Variants in SEPTIN12 observed in about 807,000 individuals in gnomAD.
SEPTIN12 encodes the protein septin 12, also known as septin-12.
Under a neutral mutation model 37.7 loss-of-function variants are expected in SEPTIN12, and 42 were observed. The ratio of observed to expected loss-of-function variants is 1.11; its 90% CI spans 0.87 to 1.44. The LOEUF (loss-of-function observed/expected upper bound fraction) is 1.44, where lower values mean the gene tolerates loss of function less well. Ranked by LOEUF, SEPTIN12 falls within the 40% of genes most tolerant of loss-of-function variation. SEPTIN12 has a pLI of 0.00. For synonymous variants in SEPTIN12, 254 were observed against 196.7 expected, an observed-to-expected ratio of 1.29 and a Z score of -2.44; for missense variants, 613 against 479.2, an observed-to-expected ratio of 1.28 and a Z score of -2.61.
chr16:4,777,853 G>A lies in SEPTIN12; in HGVS notation c.1021C>T (p.Pro341Ser), dbSNP rs763553999. Residue 341 changes from proline (P) to serine (S), a missense_variant, in exon 10 of 10, where the codon CCC (proline) becomes TCC (serine). By Grantham distance (74) the Pro-to-Ser change is moderately conservative. Coordinates refer to ENST00000268231, the MANE Select transcript of SEPTIN12 (RefSeq NM_144605.5). ...CCCCTGCAGACCTTGAAGGTCCGGG[G>A]GGTGGTCAGCTGTCCTGGGGAGGCC... Reference protein sequence around the residue: ...APASPGQLTTPRTFKVCRGAH... With the variant: ...APASPGQLTTSRTFKVCRGAH... The A allele has an allele frequency of 6.3e-7, 1 of 1,596,664 alleles. No individual in the cohort carries two copies. Among genetic ancestry groups the A allele is most frequent in the Non-Finnish European group, 8.5e-7 (1 of 1,172,564 alleles).
Position 4,785,892 on chromosome 16 carries a change from T to A in SEPTIN12, c.293-4A>T. 1 of 1,428,604 alleles carries A rather than the reference T, an allele frequency of 7.0e-7. No individual in the cohort carries two copies. The highest frequency in any genetic ancestry group is 9.3e-7 in the Non-Finnish European group (1 of 1,070,492). The allele number at this position is 1,428,604 out of a possible 1,614,324, so 88.5% of individuals were successfully genotyped here. On this transcript the variant is annotated splice_polypyrimidine_tract_variant and splice_region_variant and intron_variant, in intron 3 of 9. Transcript: ENST00000268231. ...TTCACACCCTTCTCCTCTATGACTG[T>A]GGAGGGAGAGCAGAGTCGGGAGAGA...
At chr16:4,785,419 G>T (rs2082426019) in intron 4 of SEPTIN12, among the ~76,000 whole-genome samples, 1 of 151,516 alleles carries the variant, frequency 6.6e-6, no homozygotes, top group South Asian at 2.1e-4. Context: ...TTTCCCAAAG[G>T]TTGAAGGGGG....
intron 2 of SEPTIN12, among the ~76,000 whole-genome samples, chr16:4,786,545 C>T (rs9937281): frequency 0.043 from 6,473 of 151,490 alleles, 460 homozygotes; most frequent in African/African-American, 0.15. Context: ...TTAGTAGAGA[C>T]GGGGTTTCAC....
chr16:4,785,857 C>T lies in SEPTIN12; in HGVS notation c.324G>A (p.Leu108=), dbSNP rs954759282. Residue 108 remains leucine, a synonymous_variant, in exon 4 of 10, where the codon CTG becomes CTA. Coordinates refer to ENST00000268231, the MANE Select transcript of SEPTIN12 (RefSeq NM_144605.5). ...VIEEKGVKLK[L]TVTDTPGFGD... ...CGAAGCCGGGCGTGTCCGTCACCGT[C>T]AGCTTCAGCTTCACACCCTTCTCCT... The T allele has an allele frequency of 5.0e-6, 8 of 1,612,702 alleles. No individual in the cohort carries two copies. Among genetic ancestry groups the T allele is most frequent in the Non-Finnish European group, 6.8e-6 (8 of 1,179,852 alleles).
At chr16:4,790,196 G>A (rs899289088), upstream of SEPTIN12, 4 of 152,168 alleles carry the variant, frequency 2.6e-5, no homozygotes, top group Non-Finnish European at 4.4e-5. Flanking sequence ...CACTCAGGCT[G>A]GCAAGTGTTT....
chr16:4,785,204 T>C (rs1255408002), intron 4 of SEPTIN12, among the ~76,000 whole-genome samples: 1 of 151,666 alleles, frequency 6.6e-6, no homozygotes, highest in Non-Finnish European at 1.5e-5. Context: ...TGAGCAGAGA[T>C]TGTGCCACTG....
intron 4 of SEPTIN12, chr16:4,784,297 G>A: frequency 1.8e-6 from 1 of 552,700 alleles, no homozygotes; most frequent in Admixed American, 3.1e-5. Context: ...GGAGACAATA[G>A]TAGCACCTAC....
chr16:4,787,872 C>T (rs2082484773), intron 1 of SEPTIN12: 1 of 542,880 alleles, frequency 1.8e-6, no homozygotes, highest in Non-Finnish European at 3.3e-6. Context: ...GCCTCAACAC[C>T]CATCCAGAGA....
At chr16:4,791,336 A>T (rs180752233), upstream of SEPTIN12, among the ~76,000 whole-genome samples, 1 of 152,232 alleles carries the variant, frequency 6.6e-6, no homozygotes, top group Non-Finnish European at 1.5e-5. Flanking sequence ...ATGGTGGAAG[A>T]GGACAAAAGC....
At position 4,787,572 on chromosome 16, in the gene SEPTIN12, T is replaced by A; in HGVS notation, c.74A>T (p.Glu25Val). The stretch of plus-strand genomic sequence containing the variant: ...CTCAATGCCCACAGGACCAAGCATC[T>A]CGCAGGGTGGGGTGCTGGGGCTGGA... ...QPSSPSTPPC[E>V]MLGPVGIEAV... Residue 25 changes from glutamate (E) to valine (V), a missense_variant, in exon 2 of 10, where the codon GAG becomes GTG. Transcript: ENST00000268231. 1 of 1,610,186 alleles carries A rather than the reference T, an allele frequency of 6.2e-7. No individual in the cohort carries two copies. Among genetic ancestry groups the A allele is most frequent in the Non-Finnish European group, 8.5e-7 (1 of 1,179,670 alleles).
chr16:4,782,949 AGGCTGGAGTGCAAT>A (rs2082388546), intron 7 of SEPTIN12, among the ~76,000 whole-genome samples: 1 of 149,572 alleles, frequency 6.7e-6, no homozygotes, highest in African/African-American at 2.5e-5. Context: ...CTTCTTGCCC[AGGCTGGAGTGCAAT>A]GGCGCCATCT....
intron 8 of SEPTIN12, among the ~76,000 whole-genome samples, chr16:4,779,486 C>A (rs934635920): frequency 2.0e-5 from 3 of 152,200 alleles, no homozygotes; most frequent in African/African-American, 7.2e-5. Context: ...ACTGTGATGC[C>A]CACTTTACTG....
upstream of SEPTIN12, among the ~76,000 whole-genome samples, chr16:4,789,168 C>A (rs1431052558): frequency 6.6e-6 from 1 of 151,876 alleles, no homozygotes; most frequent in African/African-American, 2.4e-5. Context: ...CCGGTGTGCA[C>A]CACCACGCTA....
At chr16:4,786,843 T>C (rs1402514508) in intron 2 of SEPTIN12, among the ~76,000 whole-genome samples, 1 of 151,894 alleles carries the variant, frequency 6.6e-6, no homozygotes, top group Non-Finnish European at 1.5e-5. Flanking sequence ...AGATGGGGTC[T>C]TGCTGTGTTG....
chr16:4,781,331 C>CG (rs940818030), intron 7 of SEPTIN12, among the ~76,000 whole-genome samples: 10 of 151,662 alleles, frequency 6.6e-5, no homozygotes, highest in Non-Finnish European at 2.9e-5. Context: ...TTGTACGGTA[C>CG]GGGGGTTTTT....
chr16:4,783,606 T>TCTGCCCC (rs1255010762), intron 6 of SEPTIN12, 43 bp downstream of exon 6: 1 of 1,611,164 alleles, frequency 6.2e-7, no homozygotes, highest in Non-Finnish European at 8.5e-7. Flanking sequence ...CACTCTGCCC[T>TCTGCCCC]CTGCCCCCGC....
Position 4,777,852 on chromosome 16 carries a change from G to A in SEPTIN12, c.1022C>T (p.Pro341Leu), listed in dbSNP as rs267604561. ...CCCCCTGCAGACCTTGAAGGTCCGG[G>A]GGGTGGTCAGCTGTCCTGGGGAGGC... The part of the protein sequence containing the change: ...APASPGQLTT[P>L]RTFKVCRGAH... Residue 341 changes from proline (P) to leucine (L), a missense_variant, in exon 10 of 10, where the codon CCC (proline) becomes CTC (leucine). Coordinates refer to ENST00000268231, the MANE Select transcript of SEPTIN12 (RefSeq NM_144605.5). 6.3e-7 allele frequency: 1 copy of A among 1,596,484 alleles called. No individual in the cohort carries two copies. Among genetic ancestry groups the A allele is most frequent in the Non-Finnish European group, 8.5e-7 (1 of 1,172,452 alleles).
At chr16:4,787,011 A>G (rs1303368301) in intron 2 of SEPTIN12, among the ~76,000 whole-genome samples, 1 of 151,108 alleles carries the variant, frequency 6.6e-6, no homozygotes, top group Non-Finnish European at 1.5e-5. Context: ...AGTAGCTCCT[A>G]AGTACAGGCG....
intron 8 of SEPTIN12, among the ~76,000 whole-genome samples, 185 bp downstream of exon 8, chr16:4,779,505 C>T (rs1436059648): frequency 6.6e-6 from 1 of 152,232 alleles, no homozygotes; most frequent in East Asian, 1.9e-4. Context: ...TGTGAGGAAA[C>T]TGAGGCCCAG....
Sources: allele counts gnomAD v4.1 joint callset (sites outside exome capture counted in the v4.1 genomes callset), GRCh38; gene constraint gnomAD v4.1.1; transcripts MANE v1.5; gene names NCBI Gene and HGNC (gene_info 2026-07-23, HGNC 2026-07-21).